The following ZNF573 variants were observed in gnomAD, a reference collection of about 807,000 sequenced individuals.
The protein encoded by ZNF573 is zinc finger protein 573.
Under a neutral mutation model 57.4 loss-of-function variants are expected in ZNF573, and 41 were observed. The observed-to-expected ratio is 0.71, with a 90% CI of 0.56 to 0.93. The LOEUF is 0.93. ZNF573 is among the 40% of genes least tolerant of loss of function. ZNF573 has a pLI of 0.00. For synonymous variants in ZNF573, 249 were observed against 261.0 expected (o/e 0.95, Z 0.44); for missense variants, 730 against 794.8 (o/e 0.92, Z 0.98).
At chr19:37,773,317 G>A (rs1165621121) in intron 2 of ZNF573, among the ~76,000 whole-genome samples, 1 of 152,128 alleles carries the variant, frequency 6.6e-6, no homozygotes, top group Non-Finnish European at 1.5e-5. Context: ...CCTACCTATG[G>A]TATCCAAATA....
At position 37,745,599 on chromosome 19, in the gene ZNF573, T is replaced by A. The variant is rs1305393222; in HGVS notation, c.296-5405A>T. ...TTAGTAGAGACAGGGTTTCACCATG[T>A]TGGACAGGCTTATCTGAAACTCCTG... On this transcript the variant is annotated intron_variant, in intron 4 of 4. Coordinates refer to ENST00000536220, the MANE Select transcript of ZNF573 (RefSeq NM_001172690.2). 5.9e-5 allele frequency among the ~76,000 whole-genome samples: 9 copies of A among 152,118 alleles called. No individual in the cohort carries two copies. In the South Asian group the frequency reaches 1.5e-3, roughly 25 times the overall value.
intron 4 of ZNF573, among the ~76,000 whole-genome samples, chr19:37,765,053 C>T (rs1241011404): frequency 1.3e-5 from 2 of 151,974 alleles, no homozygotes; most frequent in East Asian, 1.9e-4. Context: ...TTACAGGTAG[C>T]CGCCACAATG....
chr19:37,761,107 C>T (rs1411550027), intron 4 of ZNF573, among the ~76,000 whole-genome samples: 2 of 150,858 alleles, frequency 1.3e-5, no homozygotes, highest in Admixed American at 6.6e-5. Context: ...TAATCCCAGC[C>T]TGAGCCTGGG....
chr19:37,738,325 G>T lies in ZNF573; in HGVS notation c.*167C>A. ...TTCTTAATTTACCATTGAATAGTCA[G>T]ATATTCCATTAAAACAGGACTGACA... On this transcript the variant is annotated 3_prime_UTR_variant, in exon 5 of 5. Coordinates refer to ENST00000536220, the MANE Select transcript of ZNF573 (RefSeq NM_001172690.2). 4 of 530,886 alleles carry T rather than the reference G, an allele frequency of 7.5e-6. No individual in the cohort carries two copies. The highest frequency in any genetic ancestry group is 1.2e-5 in the Non-Finnish European group (4 of 336,024). 32.9% of individuals were successfully genotyped at this position (530,886 alleles called of 1,614,324 possible). A position where few individuals can be genotyped will look rare whatever the true frequency, so the allele number is the denominator to read the frequency against.
chr19:37,739,985 T>G lies in ZNF573; in HGVS notation c.505A>C (p.Lys169Gln), dbSNP rs756156500. ...ERPYECKECGKNFRSGYQLTL... is the reference protein window; with the variant it reads ...ERPYECKECGQNFRSGYQLTL... ...AGTTGATAGCCACTACGAAAGTTCT[T>G]CCCACACTCTTTGCATTCATAGGGT... Residue 169 changes from lysine to glutamine, a missense_variant, in exon 5 of 5, where the codon AAG (lysine) becomes CAG (glutamine). Physicochemically the swap from Lys to Gln is moderately conservative, Grantham distance 53. Coordinates refer to ENST00000536220, the MANE Select transcript of ZNF573 (RefSeq NM_001172690.2). 6.2e-7 allele frequency: 1 copy of G among 1,614,174 alleles called. No homozygotes were observed. Among genetic ancestry groups the G allele is most frequent in the Non-Finnish European group, 8.5e-7 (1 of 1,180,010 alleles).
At chr19:37,740,970 A>G (rs928568246) in intron 4 of ZNF573, among the ~76,000 whole-genome samples, 6 of 152,354 alleles carry the variant, frequency 3.9e-5, no homozygotes, top group East Asian at 1.9e-4. Context: ...AAAAGCCTGT[A>G]TGTGGTCAGT....
chr19:37,762,114 C>T (rs1475740850), intron 4 of ZNF573, among the ~76,000 whole-genome samples: 1 of 152,152 alleles, frequency 6.6e-6, no homozygotes, highest in African/African-American at 2.4e-5. Context: ...AGAACATCAC[C>T]TGGGGGCAAT....
chr19:37,744,812 C>T (rs984531642), intron 4 of ZNF573, among the ~76,000 whole-genome samples: 3 of 150,932 alleles, frequency 2.0e-5, no homozygotes, highest in Non-Finnish European at 4.4e-5. Context: ...GATGGCATCT[C>T]GCTCTGTCTC....
At chr19:37,767,650 T>TAC (rs2045614840) in intron 4 of ZNF573, among the ~76,000 whole-genome samples, 1 of 152,192 alleles carries the variant, frequency 6.6e-6, no homozygotes, top group Admixed American at 6.5e-5. Flanking sequence ...TTACTGGCTG[T>TAC]TGTGCAGTGA....
intron 1 of ZNF573, among the ~76,000 whole-genome samples, chr19:37,776,695 A>G (rs749283434): frequency 6.6e-6 from 1 of 152,212 alleles, no homozygotes; most frequent in Non-Finnish European, 1.5e-5. Flanking sequence ...GAGTAAACAG[A>G]CAACCCACAG....
intron 1 of ZNF573, among the ~76,000 whole-genome samples, chr19:37,776,042 G>A (rs917226545): frequency 2.6e-5 from 4 of 152,144 alleles, no homozygotes; most frequent in Non-Finnish European, 4.4e-5. Context: ...TCAGTATGGC[G>A]AAAATGACCA....
Position 37,749,525 on chromosome 19 carries a change from C to T in ZNF573, c.296-9331G>A, listed in dbSNP as rs1421919046. On this transcript the variant is annotated intron_variant, in intron 4 of 4. Coordinates refer to ENST00000536220, the MANE Select transcript of ZNF573 (RefSeq NM_001172690.2). ...ACAATTTATAAAGCAGATGTAAATA[C>T]ATATGAGAAAAGGAGAAAACTTGAA... is the stretch of plus-strand genomic sequence containing the variant. 4.0e-5 allele frequency among the ~76,000 whole-genome samples: 6 copies of T among 151,856 alleles called. No individual in the cohort carries two copies. The East Asian group carries it at 7.7e-4, about 19-fold the overall frequency.
intron 4 of ZNF573, among the ~76,000 whole-genome samples, chr19:37,741,810 T>C (rs1010177513): frequency 2.0e-5 from 3 of 152,300 alleles, no homozygotes; most frequent in African/African-American, 7.2e-5. Flanking sequence ...AACACAGTAC[T>C]GGAAGTTCTG....
At chr19:37,767,330 G>A (rs1057120661) in intron 4 of ZNF573, among the ~76,000 whole-genome samples, 2 of 152,036 alleles carry the variant, frequency 1.3e-5, no homozygotes, top group Admixed American at 6.6e-5. Context: ...TCGGGTTCAC[G>A]CTCTTCTCCT....
chr19:37,743,333 A>AAG (rs1252370253), intron 4 of ZNF573, among the ~76,000 whole-genome samples: 1 of 151,314 alleles, frequency 6.6e-6, no homozygotes, highest in Admixed American at 6.6e-5. Context: ...AAAAAAAAAA[A>AAG]AAAAGAAGAA....
Position 37,738,523 on chromosome 19 carries a change from T to C in ZNF573, c.1967A>G (p.His656Arg), listed in dbSNP as rs1475091887. ...TFRYGSALKA[H>R]QRIHRSIKV ...TTTTATGCTCCTATGAATTCTCTGA[T>C]GGGCTTTAAGGGCTGAACCATATCT... The change falls in exon 5 of 5, where the codon CAT (histidine) becomes CGT (arginine). Residue 656 changes from histidine (H) to arginine (R), a missense_variant. Coordinates refer to ENST00000536220, the MANE Select transcript of ZNF573 (RefSeq NM_001172690.2). 6.5e-7 allele frequency: 1 copy of C among 1,544,738 alleles called. No homozygotes were observed. Among genetic ancestry groups the C allele is most frequent in the African/African-American group, 1.4e-5 (1 of 72,206 alleles).
At chr19:37,749,848 G>C (rs1180821692) in intron 4 of ZNF573, among the ~76,000 whole-genome samples, 2 of 152,118 alleles carry the variant, frequency 1.3e-5, no homozygotes, top group Non-Finnish European at 2.9e-5. Context: ...TTACTAACTT[G>C]CTTGAAATGC....
At chr19:37,772,744 C>T (rs746300803) in intron 2 of ZNF573, among the ~76,000 whole-genome samples, 1 of 151,988 alleles carries the variant, frequency 6.6e-6, no homozygotes, top group Non-Finnish European at 1.5e-5. Flanking sequence ...AGCAATCCTC[C>T]TGCCATAGCC....
chr19:37,748,971 A>G (rs2045408815), intron 4 of ZNF573, among the ~76,000 whole-genome samples: 1 of 149,492 alleles, frequency 6.7e-6, no homozygotes, highest in South Asian at 2.1e-4. Context: ...AATGCAATGT[A>G]TGAATACACA....
Sources: gnomAD v4.1 joint callset for allele counts (sites outside exome capture counted in the v4.1 genomes callset) on GRCh38, gnomAD v4.1.1 for gene constraint, MANE v1.5 for transcripts, NCBI Gene and HGNC (gene_info 2026-07-23, HGNC 2026-07-21) for gene names.